GALNT13: variants seen among roughly 807,000 people sequenced by gnomAD.
GALNT13 encodes the protein UDP-GalNAc:polypeptide N-acetylgalactosaminyltransferase 13.
Under a neutral mutation model 64.2 loss-of-function variants are expected in GALNT13, and 28 were observed. That is an observed-to-expected ratio of 0.44 (90% CI 0.32 to 0.60). The LOEUF (loss-of-function observed/expected upper bound fraction) is 0.60, where lower values mean the gene tolerates loss of function less well. Among genes scored for constraint, GALNT13 ranks in the 20% least tolerant of loss-of-function variants. The pLI, the probability that GALNT13 is intolerant of heterozygous loss-of-function variation, is 0.05. For missense variants in GALNT13, 577 were observed against 669.8 expected (o/e 0.86, Z 1.53); for synonymous variants, 214 against 224.6 (o/e 0.95, Z 0.42).
chr2:154,208,630 G>C lies in GALNT13; in HGVS notation c.312-33400G>C, dbSNP rs1018329580. ...TTAATCACGTTTTGCGTGTCTGTGT[G>C]TGTGTGTGTGTGTGTGTGTGTGTGT... On this transcript the variant is annotated intron_variant, in intron 4 of 12. Transcript: ENST00000392825. 9.0e-5 allele frequency among the ~76,000 whole-genome samples: 6 copies of C among 66,716 alleles called. No homozygotes were observed. The East Asian group carries it at 9.3e-4, about 10-fold the overall frequency. The allele number at this position is 66,716 out of a possible 152,430, so 43.8% of individuals were successfully genotyped here. A position where few individuals can be genotyped will look rare whatever the true frequency, so the allele number is the denominator to read the frequency against.
the GALNT13 span, among the ~76,000 whole-genome samples, chr2:153,225,661 G>T: frequency 6.6e-6 from 1 of 152,134 alleles, no homozygotes; most frequent in East Asian, 1.9e-4. Context: ...ATATATAATT[G>T]TTGCTTAATT....
At chr2:153,180,724 G>A in the GALNT13 span, among the ~76,000 whole-genome samples, 1 of 151,638 alleles carries the variant, frequency 6.6e-6, no homozygotes, top group Non-Finnish European at 1.5e-5. Context: ...CAACCTTTCT[G>A]TGTCTTCATG....
chr2:153,153,961 G>A, the GALNT13 span, among the ~76,000 whole-genome samples: 1 of 151,990 alleles, frequency 6.6e-6, no homozygotes, highest in African/African-American at 2.4e-5. Context: ...AATAGGAATG[G>A]CATTGAATCT....
intron 3 of GALNT13, among the ~76,000 whole-genome samples, chr2:154,039,782 C>A (rs1269353507): frequency 2.2e-5 from 3 of 138,830 alleles, no homozygotes; most frequent in Non-Finnish European, 5.0e-5. Context: ...ATGCCTCCTA[C>A]AAAAAGAAAT....
the GALNT13 span, among the ~76,000 whole-genome samples, chr2:153,440,863 T>C: frequency 6.6e-6 from 1 of 152,084 alleles, no homozygotes; most frequent in Non-Finnish European, 1.5e-5. Flanking sequence ...TTGTCAGATG[T>C]ATAGAATGCA....
At chr2:153,291,878 G>A in the GALNT13 span, among the ~76,000 whole-genome samples, 1 of 152,122 alleles carries the variant, frequency 6.6e-6, no homozygotes, top group Non-Finnish European at 1.5e-5. Context: ...GTGTGTGGGT[G>A]TGTCTTTGTG....
At chr2:154,434,115 A>G (rs1383395334) in intron 11 of GALNT13, among the ~76,000 whole-genome samples, 1 of 152,222 alleles carries the variant, frequency 6.6e-6, no homozygotes, top group Non-Finnish European at 1.5e-5. Context: ...TAAGATCTTG[A>G]TCTTGGACTT....
At chr2:154,087,364 T>G (rs996335763) in intron 3 of GALNT13, among the ~76,000 whole-genome samples, 12 of 152,066 alleles carry the variant, frequency 7.9e-5, no homozygotes, top group Admixed American at 7.2e-4. Context: ...GAAGACATGT[T>G]TGTAGAATTC....
chr2:154,083,734 A>C (rs1014474436), intron 3 of GALNT13, among the ~76,000 whole-genome samples: 1 of 151,800 alleles, frequency 6.6e-6, no homozygotes, highest in African/African-American at 2.4e-5. Flanking sequence ...TCTTCTCACC[A>C]GACAACCATG....
At chr2:154,270,412 T>A (rs1187608064) in intron 8 of GALNT13, among the ~76,000 whole-genome samples, 1 of 151,954 alleles carries the variant, frequency 6.6e-6, no homozygotes, top group Non-Finnish European at 1.5e-5. Context: ...TTAAACTAAT[T>A]GAAAATAATT....
At chr2:153,414,819 C>G in the GALNT13 span, among the ~76,000 whole-genome samples, 1 of 152,006 alleles carries the variant, frequency 6.6e-6, no homozygotes, top group Non-Finnish European at 1.5e-5. Context: ...CTGTTTGTAC[C>G]ATTGAAAGGT....
Position 154,374,401 on chromosome 2 carries a change from AGTGAGCT to A in GALNT13, c.1157-21588_1157-21582del, listed in dbSNP as rs150837492. 3.3e-3 allele frequency among the ~76,000 whole-genome samples: 498 copies of A among 152,310 alleles called. 6 individuals carry two copies. The highest frequency in any genetic ancestry group is 0.011 in the African/African-American group (462 of 41,564). On this transcript the variant is annotated intron_variant, in intron 9 of 12. Coordinates refer to ENST00000392825, the MANE Select transcript of GALNT13 (RefSeq NM_052917.4). Reference sequence around the variant, plus strand: ...ACAGTTAAATGAGTTTTCAATGAAAAGTGAGCTGATGGCTCTTGTTTAGTACAAGGAA... The same window carrying A: ...ACAGTTAAATGAGTTTTCAATGAAAAGATGGCTCTTGTTTAGTACAAGGAA...
intron 3 of GALNT13, among the ~76,000 whole-genome samples, chr2:153,987,385 C>T (rs920096438): frequency 3.0e-4 from 45 of 151,880 alleles, no homozygotes; most frequent in African/African-American, 1.1e-3. Context: ...GGGGCCTTTA[C>T]TGCCTCTATC....
chr2:153,347,336 G>A, the GALNT13 span, among the ~76,000 whole-genome samples: 1 of 152,152 alleles, frequency 6.6e-6, no homozygotes, highest in African/African-American at 2.4e-5. Context: ...TGGAGATTGT[G>A]GGAGGTAGGA....
At chr2:153,815,393 T>G in the GALNT13 span, among the ~76,000 whole-genome samples, 1 of 152,202 alleles carries the variant, frequency 6.6e-6, no homozygotes, top group Non-Finnish European at 1.5e-5. Flanking sequence ...TAAACTCAGG[T>G]GAAGTGCCTG....
chr2:153,301,613 A>C, the GALNT13 span, among the ~76,000 whole-genome samples: 1 of 152,154 alleles, frequency 6.6e-6, no homozygotes, highest in Admixed American at 6.5e-5. Flanking sequence ...AACTATAGTC[A>C]TGGTGTTGAA....
intron 3 of GALNT13, among the ~76,000 whole-genome samples, chr2:154,003,135 G>A (rs887060364): frequency 9.9e-5 from 15 of 152,166 alleles, no homozygotes; most frequent in African/African-American, 3.6e-4. Context: ...CAACTGATAG[G>A]AAAACAGAGC....
intron 3 of GALNT13, among the ~76,000 whole-genome samples, chr2:154,069,006 C>T (rs778292541): frequency 1.3e-5 from 2 of 151,862 alleles, no homozygotes; most frequent in Non-Finnish European, 2.9e-5. Flanking sequence ...CAAAATATTT[C>T]ATGTGCCCCA....
intron 4 of GALNT13, among the ~76,000 whole-genome samples, chr2:154,206,297 G>A (rs988225710): frequency 1.3e-5 from 2 of 151,736 alleles, no homozygotes; most frequent in African/African-American, 2.4e-5. Flanking sequence ...AACTGAGCCC[G>A]GCCCTAATTT....
Sources: allele counts gnomAD v4.1 joint callset (sites outside exome capture counted in the v4.1 genomes callset), GRCh38; gene constraint gnomAD v4.1.1; transcripts MANE v1.5; gene names NCBI Gene and HGNC (gene_info 2026-07-23, HGNC 2026-07-21).